ZNF276: variants seen among roughly 807,000 people sequenced by gnomAD.
The protein encoded by ZNF276 is centromere protein Z.
In ZNF276, 59 loss-of-function variants were observed where a neutral mutation model predicts 63.9. The observed-to-expected ratio is 0.92, with a 90% CI of 0.75 to 1.15. The LOEUF is 1.15. Among genes scored for constraint, ZNF276 ranks in the 50% most tolerant of loss-of-function variants. ZNF276 has a pLI of 0.00. For missense variants in ZNF276, 1,084 were observed against 843.8 expected (o/e 1.28, Z -3.53); for synonymous variants, 496 against 348.4 (o/e 1.42, Z -4.72).
In ZNF276 at chr16:89,723,513, G is replaced by T. The variant is rs201594480; in HGVS notation, c.810G>T (p.Arg270=). 5.0e-5 allele frequency: 81 copies of T among 1,612,860 alleles called. 1 individual carries two copies. The Admixed American group carries it at 1.1e-3, about 23-fold the overall frequency. Residue 270 remains arginine, a synonymous_variant, in exon 4 of 11, where the codon CGG becomes CGT. Coordinates refer to ENST00000443381, the MANE Select transcript of ZNF276 (RefSeq NM_001113525.2). ...CATGGGACAAAGAGACGGCGCCACG[G>T]CTGCCCCAGCACCGAGGGTGGAACC... ...KWPWDKETAP[R]LPQHRGWNPG... is the part of the protein sequence containing the mutation.
chr16:89,737,874 C>A lies in ZNF276; in HGVS notation c.1543C>A (p.Gln515Lys), dbSNP rs1423350127. 1 of 1,614,054 alleles carries A rather than the reference C, an allele frequency of 6.2e-7. No individual in the cohort carries two copies. Among genetic ancestry groups the A allele is most frequent in the African/African-American group, 1.3e-5 (1 of 74,918 alleles). Residue 515 changes from glutamine to lysine, a missense_variant, in exon 10 of 11, where the codon CAA (glutamine) becomes AAA (lysine). Gln to Lys is a moderately conservative substitution (Grantham distance 53, BLOSUM62 1). Transcript: ENST00000443381. ...GCAGCGGAAGCACCTTCTCGTCCAC[C>A]AAATGCGACATTCGGGAGCCAAGCC... is the stretch of plus-strand genomic sequence containing the variant. ...FKQRKHLLVH[Q>K]MRHSGAKPLQ...
At chr16:89,722,926 C>T (rs1482482783) in intron 2 of ZNF276, 92 bp downstream of exon 2, 11 of 1,556,914 alleles carry the variant, frequency 7.1e-6, no homozygotes, top group Admixed American at 1.8e-5. Context: ...TCCGCGGGAG[C>T]CTCTGGGTGG....
chr16:89,729,384 C>G (rs2061572661), intron 6 of ZNF276, 66 bp downstream of exon 6: 1 of 1,413,414 alleles, frequency 7.1e-7, no homozygotes, highest in Non-Finnish European at 1.0e-6. Context: ...GCCTGTGCTC[C>G]AGGGCCTCTC....
Position 89,722,547 on chromosome 16 carries a change from C to T in ZNF276, c.222C>T (p.Leu74=), listed in dbSNP as rs1476276785. ...TCTGTGCAGGAGCAGGCCGGGCTCTCGCCATGGGTCACTGTCGCCTCTGCC... is the reference window on the plus strand; with the variant it reads ...TCTGTGCAGGAGCAGGCCGGGCTCTTGCCATGGGTCACTGTCGCCTCTGCC... ...GADEAGAGRA[L]AMGHCRLCHG... is the part of the protein sequence containing the mutation. The change falls in exon 2 of 11, where the codon CTC becomes CTT. Residue 74 remains leucine (L), a synonymous_variant. Coordinates refer to ENST00000443381, the MANE Select transcript of ZNF276 (RefSeq NM_001113525.2). 1.6e-5 allele frequency: 25 copies of T among 1,611,856 alleles called. No individual in the cohort carries two copies. The East Asian group carries it at 2.0e-4, about 13-fold the overall frequency.
chr16:89,721,401 G>A, upstream of ZNF276: 1 of 391,066 alleles, frequency 2.6e-6, no homozygotes, highest in Non-Finnish European at 4.5e-6. Flanking sequence ...GGGCACGGCC[G>A]CCCTCGGGCC....
At chr16:89,726,120 A>T (rs1567569027) in intron 4 of ZNF276, among the ~76,000 whole-genome samples, 1 of 152,132 alleles carries the variant, frequency 6.6e-6, no homozygotes, top group Non-Finnish European at 1.5e-5. Context: ...GGTTCAAGTG[A>T]TTCTCCTGTC....
At chr16:89,723,941 C>T (rs1358199483) in intron 4 of ZNF276, among the ~76,000 whole-genome samples, 1 of 152,246 alleles carries the variant, frequency 6.6e-6, no homozygotes, top group Non-Finnish European at 1.5e-5. Flanking sequence ...TCTGTTCCAG[C>T]AGTTTCTGTG....
At chr16:89,726,770 C>T (rs1465131807) in intron 4 of ZNF276, among the ~76,000 whole-genome samples, 3 of 152,120 alleles carry the variant, frequency 2.0e-5, no homozygotes, top group African/African-American at 7.2e-5. Flanking sequence ...CTCAGCCTCC[C>T]AGGTAGCTGG....
At chr16:89,728,145 C>T (rs907208180) in intron 5 of ZNF276, among the ~76,000 whole-genome samples, 5 of 151,816 alleles carry the variant, frequency 3.3e-5, no homozygotes, top group African/African-American at 1.2e-4. Context: ...TAAGACTGTC[C>T]TCAGGACCAC....
chr16:89,738,903 C>T lies in ZNF276; in HGVS notation c.*657C>T. The T allele has an allele frequency of 6.2e-7, 1 of 1,614,256 alleles. No individual in the cohort carries two copies. Among genetic ancestry groups the T allele is most frequent in the Non-Finnish European group, 8.5e-7 (1 of 1,180,048 alleles). ...TTACCTCTGCCACGTGTGAGAAGCT[C>T]TTTTTCGGGCACCGAGGTATTAACT... On this transcript the variant is annotated 3_prime_UTR_variant, in exon 11 of 11. Transcript: ENST00000443381.
chr16:89,720,936 G>A, upstream of ZNF276: 1 of 1,225,882 alleles, frequency 8.2e-7, no homozygotes. Context: ...CGCAGCCGGC[G>A]CTGGTGCTGG....
intron 4 of ZNF276, among the ~76,000 whole-genome samples, chr16:89,724,871 C>T (rs35026726): frequency 0.045 from 6,834 of 152,278 alleles, 211 homozygotes; most frequent in Non-Finnish European, 0.073. Context: ...TCTCTATCTA[C>T]CTACCTATCT....
chr16:89,739,591 T>A lies in ZNF276; in HGVS notation c.*1345T>A, dbSNP rs775876217. 1 of 1,546,250 alleles carries A rather than the reference T, an allele frequency of 6.5e-7. No individual in the cohort carries two copies. Among genetic ancestry groups the A allele is most frequent in the African/African-American group, 1.4e-5 (1 of 73,030 alleles). ...GAAGTGGCTCAGGCAACTCTGGACA[T>A]CTCTGCCTATTATCAGTGCTGGGGA... is the stretch of plus-strand genomic sequence containing the variant. On this transcript the variant is annotated 3_prime_UTR_variant, in exon 11 of 11. Transcript: ENST00000443381.
chr16:89,721,462 GGCCGGCGGGGTCC>G, upstream of ZNF276: 1 of 536,840 alleles, frequency 1.9e-6, no homozygotes, highest in Non-Finnish European at 3.0e-6. Context: ...GTGGAACCTC[GGCCGGCGGGGTCC>G]CGCCCCTGGC....
Position 89,727,318 on chromosome 16 carries a change from A to G in ZNF276, c.1046A>G (p.Asp349Gly). 1 of 1,614,086 alleles carries G rather than the reference A, an allele frequency of 6.2e-7. No homozygotes were observed. Among genetic ancestry groups the G allele is most frequent in the Non-Finnish European group, 8.5e-7 (1 of 1,180,024 alleles). ...AAGCAGCTTCCATCTTCAACCTCGG[A>G]TGATCGGGTAAAAGACGAGTTCAGT... is the stretch of plus-strand genomic sequence containing the variant. ...GEKQLPSSTS[D>G]DRVKDEFSDL... The change falls in exon 5 of 11, where the codon GAT becomes GGT. Residue 349 changes from aspartate to glycine, a missense_variant. By Grantham distance (94) the Asp-to-Gly change is moderately conservative (BLOSUM62 -1). Transcript: ENST00000443381.
intron 8 of ZNF276, 148 bp from the exon 9 acceptor site, chr16:89,733,773 C>G: frequency 1.1e-6 from 1 of 880,272 alleles, no homozygotes; most frequent in African/African-American, 1.7e-5. Context: ...CTAGAAGTTT[C>G]TTGGAGTGAA....
In ZNF276 at chr16:89,721,766, G is replaced by T; in HGVS notation, c.126G>T (p.Val42=). The T allele has an allele frequency of 2.3e-6, 3 of 1,276,694 alleles. No homozygotes were observed. Among genetic ancestry groups the T allele is most frequent in the Non-Finnish European group, 3.0e-6 (3 of 1,012,820 alleles). The allele number at this position is 1,276,694 out of a possible 1,614,324, so 79.1% of individuals were successfully genotyped here. The part of the protein sequence containing the change: ...GRPSLSGGPR[V]DGATARRAWG... ...CTTCCCTTAGCGGTGGGCCGAGGGTGGACGGGGCGACGGCGCGGCGCGCCT... is the reference window on the plus strand; with the variant it reads ...CTTCCCTTAGCGGTGGGCCGAGGGTTGACGGGGCGACGGCGCGGCGCGCCT... Residue 42 remains valine (V), a synonymous_variant, in exon 1 of 11, where the codon GTG becomes GTT. Coordinates refer to ENST00000443381, the MANE Select transcript of ZNF276 (RefSeq NM_001113525.2).
At chr16:89,722,424 C>A in intron 1 of ZNF276, 107 bp from the exon 2 acceptor site, 1 of 1,331,390 alleles carries the variant, frequency 7.5e-7, no homozygotes, top group Non-Finnish European at 1.0e-6. Context: ...TGTCCGGGAG[C>A]CGCGCGAAGG....
intron 9 of ZNF276, chr16:89,737,483 C>T (rs945058363): frequency 2.0e-5 from 7 of 350,646 alleles, no homozygotes; most frequent in Admixed American, 4.5e-5. Context: ...ATCACGCCAC[C>T]GCACTGCAGC....
Sources: allele counts gnomAD v4.1 joint callset (sites outside exome capture counted in the v4.1 genomes callset), GRCh38; gene constraint gnomAD v4.1.1; transcripts MANE v1.5; gene names NCBI Gene and HGNC (gene_info 2026-07-23, HGNC 2026-07-21).